Variants in SLC9A7 observed in about 807,000 individuals in gnomAD.
SLC9A7 encodes the protein solute carrier family 9 member A7.
A neutral mutation model predicts 52.6 loss-of-function variants in SLC9A7; 19 were observed. The observed-to-expected ratio is 0.36, with a 90% CI of 0.25 to 0.53. The LOEUF is 0.53. SLC9A7 is among the 20% of genes least tolerant of loss of function. The pLI, the probability that SLC9A7 is intolerant of heterozygous loss-of-function variation, is 0.91. For synonymous variants in SLC9A7, 226 were observed against 252.1 expected, an observed-to-expected ratio of 0.90 and a Z score of 0.98; for missense variants, 455 against 597.9, an observed-to-expected ratio of 0.76 and a Z score of 2.49.
intron 7 of SLC9A7, among the ~76,000 whole-genome samples, chrX:46,659,623 A>T (rs1224789432): frequency 2.1e-5 from 1 of 47,107 alleles, no homozygotes; most frequent in Non-Finnish European, 3.6e-5. Context: ...CCCATTCACA[A>T]TTGCTTCAAA....
intron 11 of SLC9A7, among the ~76,000 whole-genome samples, chrX:46,647,862 TTCTC>T (rs1943518375): frequency 8.9e-6 from 1 of 112,830 alleles, no homozygotes; most frequent in Non-Finnish European, 1.9e-5. Flanking sequence ...CTGCAACTCA[TTCTC>T]TGTCTTAAAG....
intron 1 of SLC9A7, among the ~76,000 whole-genome samples, chrX:46,712,078 G>A (rs1944699926): frequency 9.0e-6 from 1 of 111,389 alleles, no homozygotes; most frequent in Non-Finnish European, 1.9e-5. Context: ...ATGGAAAGCA[G>A]ATACTGGGGG....
chrX:46,685,249 G>C (rs1466314068), intron 1 of SLC9A7: 1 of 112,784 alleles, frequency 8.9e-6, no homozygotes. Context: ...CCTGGCACTG[G>C]AACTCCACCA....
intron 1 of SLC9A7, among the ~76,000 whole-genome samples, chrX:46,714,879 T>A (rs1944746812): frequency 9.0e-6 from 1 of 111,299 alleles, no homozygotes; most frequent in Non-Finnish European, 1.9e-5. Flanking sequence ...CCAATAGAAA[T>A]CCTGGAAAAG....
At chrX:46,676,273 A>G (rs1283199835) in intron 3 of SLC9A7, among the ~76,000 whole-genome samples, 1 of 111,455 alleles carries the variant, frequency 9.0e-6, no homozygotes, top group East Asian at 2.8e-4. Context: ...CCAGGTAGAT[A>G]GTGTCAGAAC....
chrX:46,742,505 T>C (rs1011286287), intron 1 of SLC9A7, among the ~76,000 whole-genome samples: 1 of 110,539 alleles, frequency 9.0e-6, no homozygotes, highest in Non-Finnish European at 1.9e-5. Flanking sequence ...AAAAGGCTAG[T>C]CCCAAAATGT....
At chrX:46,668,984 G>A (rs5906251) in intron 5 of SLC9A7, among the ~76,000 whole-genome samples, 23,705 of 109,100 alleles carry the variant, frequency 0.22, 2,166 homozygotes, top group South Asian at 0.4. Flanking sequence ...TGGCTAACAC[G>A]GTGAAACCCT....
chrX:46,679,341 T>A (rs1265997510), intron 3 of SLC9A7, among the ~76,000 whole-genome samples: 2 of 112,731 alleles, frequency 1.8e-5, no homozygotes, highest in Non-Finnish European at 3.7e-5. Context: ...AACGATCATG[T>A]GTAGGTTTTT....
intron 3 of SLC9A7, among the ~76,000 whole-genome samples, chrX:46,676,607 A>G (rs992013487): frequency 8.9e-6 from 1 of 112,228 alleles, no homozygotes; most frequent in African/African-American, 3.2e-5. Flanking sequence ...TAAAACAACT[A>G]TAACTGATTA....
At chrX:46,636,759 A>G (rs1299243985) in intron 12 of SLC9A7, among the ~76,000 whole-genome samples, 1 of 111,922 alleles carries the variant, frequency 8.9e-6, no homozygotes, top group Non-Finnish European at 1.9e-5. Flanking sequence ...GTAACTGAGG[A>G]AAAAGTTTTT....
intron 14 of SLC9A7, among the ~76,000 whole-genome samples, chrX:46,629,358 T>TACTG (rs1168592177): frequency 1.8e-5 from 2 of 112,136 alleles, no homozygotes; most frequent in Non-Finnish European, 3.8e-5. Flanking sequence ...TTTTAGCTGT[T>TACTG]ACTGCATGGA....
chrX:46,737,227 T>C (rs1945135720), intron 1 of SLC9A7, among the ~76,000 whole-genome samples: 1 of 111,967 alleles, frequency 8.9e-6, no homozygotes, highest in African/African-American at 3.2e-5. Context: ...GGAAAAACTT[T>C]CTCAGGATTC....
chrX:46,722,195 A>C lies in SLC9A7; in HGVS notation c.325+36510T>G, dbSNP rs148482245. Among the ~76,000 whole-genome samples, 634 of 111,830 alleles carry C rather than the reference A, an allele frequency of 5.7e-3. 4 individuals are homozygous for C. The highest frequency in any genetic ancestry group is 0.02 in the African/African-American group (610 of 30,719). ...ATACAAAGGTGTTCCACATATAAGT[A>C]GCTATGAATGTGGGTTTCAAAACAA... On this transcript the variant is annotated intron_variant, in intron 1 of 16. Coordinates refer to ENST00000616978, the MANE Select transcript of SLC9A7 (RefSeq NM_001257291.2).
intron 14 of SLC9A7, among the ~76,000 whole-genome samples, chrX:46,621,993 G>C (rs2146701464): frequency 1.0e-5 from 1 of 97,544 alleles, no homozygotes; most frequent in South Asian, 5.3e-4. Flanking sequence ...AAATCATGGT[G>C]AATGTAAATT....
At position 46,606,246 on chromosome X, in the gene SLC9A7, AT is replaced by A. The variant is rs1942741649; in HGVS notation, c.*705del. 1 of 742,474 alleles carries A rather than the reference AT, an allele frequency of 1.3e-6. No homozygotes were observed. Among genetic ancestry groups the A allele is most frequent in the Non-Finnish European group, 1.6e-6 (1 of 629,602 alleles). The allele number at this position is 742,474 out of a possible 1,213,427, so 61.2% of individuals were successfully genotyped here. ...CTCAGATTAATCAAAAAATAAGAGTATAACACTATTTGCCTTTGGTTTTAAA... is the reference window on the plus strand; with the variant it reads ...CTCAGATTAATCAAAAAATAAGAGTAAACACTATTTGCCTTTGGTTTTAAA... On this transcript the variant is annotated 3_prime_UTR_variant, in exon 17 of 17. Coordinates refer to ENST00000616978, the MANE Select transcript of SLC9A7 (RefSeq NM_001257291.2).
intron 1 of SLC9A7, among the ~76,000 whole-genome samples, chrX:46,713,874 G>A (rs1042431508): frequency 9.2e-6 from 1 of 108,861 alleles, no homozygotes; most frequent in African/African-American, 3.3e-5. Context: ...TTATTTCTGT[G>A]GGTTTTTTTT....
At chrX:46,648,665 T>C (rs1227511272) in intron 11 of SLC9A7, 21 bp downstream of exon 11, 1 of 1,096,137 alleles carries the variant, frequency 9.1e-7, no homozygotes, top group Non-Finnish European at 1.3e-6. Context: ...ACTCATTTTC[T>C]TTACACTTAC....
At chrX:46,669,297 C>T (rs887294333) in intron 5 of SLC9A7, among the ~76,000 whole-genome samples, 4 of 109,672 alleles carry the variant, frequency 3.6e-5, no homozygotes, top group East Asian at 2.8e-4. Context: ...ACTGTAGTCC[C>T]GCTGCTTGGG....
chrX:46,606,835 T>C lies in SLC9A7; in HGVS notation c.*117A>G, dbSNP rs1942751921. ...GTGTTACAATAGCTTCAGACCCCAA[T>C]AAAATAGAAGAGTTAGTTCAATCTA... On this transcript the variant is annotated 3_prime_UTR_variant, in exon 17 of 17. Coordinates refer to ENST00000616978, the MANE Select transcript of SLC9A7 (RefSeq NM_001257291.2). 2.6e-6 allele frequency: 3 copies of C among 1,157,365 alleles called. No homozygotes were observed. The highest frequency in any genetic ancestry group is 3.6e-5 in the African/African-American group (2 of 56,103).
Sources: allele counts gnomAD v4.1 joint callset (sites outside exome capture counted in the v4.1 genomes callset), GRCh38; gene constraint gnomAD v4.1.1; transcripts MANE v1.5; gene names NCBI Gene and HGNC (gene_info 2026-07-23, HGNC 2026-07-21).